Variants in CTNND2 observed in about 807,000 individuals in gnomAD.
The protein encoded by CTNND2 is catenin delta 2.
In CTNND2, 22 loss-of-function variants were observed where a neutral mutation model predicts 144.4. That is an observed-to-expected ratio of 0.15 (90% CI 0.11 to 0.22). The LOEUF (loss-of-function observed/expected upper bound fraction) is 0.22. Among genes scored for constraint, CTNND2 ranks in the 10% least tolerant of loss-of-function variants. The probability of loss-of-function intolerance (pLI) is 1.00; values close to 1 mark genes in which losing one functional copy is unlikely to be tolerated. For synonymous variants in CTNND2, 751 were observed against 695.6 expected, an observed-to-expected ratio of 1.08 and a Z score of -1.25; for missense variants, 1,353 against 1,618.8, an observed-to-expected ratio of 0.84 and a Z score of 2.82.
rs556147564 is a variant in CTNND2 at position 11,534,129 on chromosome 5, T to A, written c.287+30815A>T. Among the ~76,000 whole-genome samples, 10 of 152,362 alleles carry A rather than the reference T, an allele frequency of 6.6e-5. No homozygotes were observed. The South Asian group carries it at 1.9e-3, about 28-fold the overall frequency. ...CCTCCTACCGTGTTTAGATCATTTA[T>A]ATTTTGTAAGCCATTTTCACTTTTC... On this transcript the variant is annotated intron_variant, in intron 3 of 21. Coordinates refer to ENST00000304623, the MANE Select transcript of CTNND2 (RefSeq NM_001332.4).
chr5:11,062,999 G>C (rs370503358), intron 16 of CTNND2, among the ~76,000 whole-genome samples: 2 of 152,152 alleles, frequency 1.3e-5, no homozygotes, highest in African/African-American at 4.8e-5. Flanking sequence ...GCAGTTTCCA[G>C]TTCTTTACCT....
rs868645116 is a variant in CTNND2, at chr5:11,684,477, A to G, written c.174+47659T>C. On this transcript the variant is annotated intron_variant, in intron 2 of 21. Coordinates refer to ENST00000304623, the MANE Select transcript of CTNND2 (RefSeq NM_001332.4). ...TATTTTAAAGGATATTGTTTCATTG[A>G]AAAAAATGATTATTTTAAATTAGGG... Among the ~76,000 whole-genome samples, 4 of 152,206 alleles carry G rather than the reference A, an allele frequency of 2.6e-5. No homozygotes were observed. In the South Asian group the frequency reaches 8.3e-4, roughly 32 times the overall value.
intron 11 of CTNND2, among the ~76,000 whole-genome samples, chr5:11,165,634 T>G (rs79468840): frequency 6.6e-6 from 1 of 152,274 alleles, no homozygotes; most frequent in South Asian, 2.1e-4. Context: ...GTTCCAAATA[T>G]AATTTTGAAA....
At chr5:11,735,574 G>T (rs1581796362) in intron 1 of CTNND2, among the ~76,000 whole-genome samples, 1 of 152,292 alleles carries the variant, frequency 6.6e-6, no homozygotes, top group East Asian at 1.9e-4. Flanking sequence ...TTGAATGGTA[G>T]CTTCCATAAT....
intron 6 of CTNND2, among the ~76,000 whole-genome samples, chr5:11,393,308 T>C (rs1003778387): frequency 2.0e-5 from 3 of 152,232 alleles, no homozygotes; most frequent in Non-Finnish European, 4.4e-5. Context: ...TTCCCTAAGA[T>C]TGCGGTTGTG....
chr5:11,565,253 C>G (rs1055672088), intron 2 of CTNND2, among the ~76,000 whole-genome samples, 197 bp from the exon 3 acceptor site: 4 of 152,174 alleles, frequency 2.6e-5, no homozygotes, highest in Admixed American at 2.6e-4. Context: ...TAAGTTAATT[C>G]ATGTAAGTAT....
chr5:11,580,980 A>T (rs1000926883), intron 2 of CTNND2, among the ~76,000 whole-genome samples: 3 of 152,100 alleles, frequency 2.0e-5, no homozygotes, highest in African/African-American at 7.2e-5. Context: ...GGCCTCTTCC[A>T]CAACTCAAAA....
chr5:10,995,152 T>C (rs906816542), intron 18 of CTNND2, among the ~76,000 whole-genome samples: 2 of 152,086 alleles, frequency 1.3e-5, no homozygotes, highest in South Asian at 2.1e-4. Flanking sequence ...AGCATATAGA[T>C]ATTATTTAAA....
chr5:11,396,416 CA>C (rs1760142360), intron 6 of CTNND2, among the ~76,000 whole-genome samples: 1 of 151,450 alleles, frequency 6.6e-6, no homozygotes, highest in Admixed American at 6.6e-5. Flanking sequence ...TTCTTTTTAC[CA>C]AGAGTTGGTT....
intron 18 of CTNND2, among the ~76,000 whole-genome samples, chr5:11,008,584 G>A (rs73741510): frequency 1.9e-4 from 29 of 152,244 alleles, no homozygotes; most frequent in Non-Finnish European, 2.6e-4. Flanking sequence ...TTTTCTTATC[G>A]TCTCTGTTCT....
chr5:11,766,655 T>G (rs1170822694), intron 1 of CTNND2, among the ~76,000 whole-genome samples: 1 of 152,120 alleles, frequency 6.6e-6, no homozygotes, highest in Non-Finnish European at 1.5e-5. Flanking sequence ...GAAAACTAAC[T>G]AATATAGGTG....
intron 1 of CTNND2, among the ~76,000 whole-genome samples, chr5:11,819,428 C>T (rs1202197988): frequency 6.6e-6 from 1 of 150,744 alleles, no homozygotes; most frequent in African/African-American, 2.5e-5. Flanking sequence ...GAGCAAGATT[C>T]CAAGACAGAC....
At chr5:11,711,865 T>G (rs1786052438) in intron 2 of CTNND2, among the ~76,000 whole-genome samples, 1 of 152,214 alleles carries the variant, frequency 6.6e-6, no homozygotes, top group African/African-American at 2.4e-5. Flanking sequence ...GCATGGGAAT[T>G]GTATATGATT....
chr5:11,167,233 A>C (rs941761408), intron 11 of CTNND2, among the ~76,000 whole-genome samples: 118 of 152,354 alleles, frequency 7.7e-4, no homozygotes, highest in African/African-American at 2.7e-3. Context: ...GCCATGGTCC[A>C]TAACACCGTA....
intron 2 of CTNND2, among the ~76,000 whole-genome samples, chr5:11,610,526 G>A (rs1209984656): frequency 6.6e-6 from 1 of 152,144 alleles, no homozygotes; most frequent in African/African-American, 2.4e-5. Flanking sequence ...CCAGAAGGCT[G>A]CCTCAATTTT....
At chr5:11,654,772 C>T (rs1216058951) in intron 2 of CTNND2, among the ~76,000 whole-genome samples, 1 of 151,944 alleles carries the variant, frequency 6.6e-6, no homozygotes, top group Non-Finnish European at 1.5e-5. Flanking sequence ...GGACTTCTAG[C>T]CCTCTATGCT....
intron 9 of CTNND2, among the ~76,000 whole-genome samples, chr5:11,250,296 C>T (rs1459321940): frequency 1.3e-5 from 2 of 151,706 alleles, no homozygotes; most frequent in Non-Finnish European, 2.9e-5. Context: ...TAAAAAATAA[C>T]GTTGATTTCA....
At chr5:11,794,332 T>C (rs765414478) in intron 1 of CTNND2, among the ~76,000 whole-genome samples, 5 of 152,308 alleles carry the variant, frequency 3.3e-5, no homozygotes, top group Non-Finnish European at 4.4e-5. Flanking sequence ...TAAACACTGA[T>C]CTAAACTTAG....
chr5:11,826,341 T>C (rs375896898), intron 1 of CTNND2, among the ~76,000 whole-genome samples: 2 of 151,762 alleles, frequency 1.3e-5, no homozygotes, highest in African/African-American at 2.4e-5. Context: ...TAGGTAAAAA[T>C]AAAAGAAAGA....
Sources: allele counts gnomAD v4.1 joint callset (sites outside exome capture counted in the v4.1 genomes callset), GRCh38; gene constraint gnomAD v4.1.1; transcripts MANE v1.5; gene names NCBI Gene and HGNC (gene_info 2026-07-23, HGNC 2026-07-21).